Variants in EDIL3 observed in about 807,000 individuals in gnomAD.
EDIL3 encodes the protein EGF like and discoidin domains 3, also known as EGF-like repeat and discoidin I-like domain-containing protein 3.
In EDIL3, 37 loss-of-function variants were observed where a neutral mutation model predicts 67.4. That is an observed-to-expected ratio of 0.55 (90% CI 0.42 to 0.72). The LOEUF (loss-of-function observed/expected upper bound fraction) is 0.72, where lower values mean the gene tolerates loss of function less well. EDIL3 is among the 30% of genes least tolerant of loss of function. The pLI, the probability that EDIL3 is intolerant of heterozygous loss-of-function variation, is 0.00. For synonymous variants in EDIL3, 195 were observed against 196.3 expected (o/e 0.99, Z 0.05); for missense variants, 527 against 586.3 (o/e 0.90, Z 1.04).
At chr5:84,260,718 A>G (rs911177230) in intron 1 of EDIL3, among the ~76,000 whole-genome samples, 3 of 152,072 alleles carry the variant, frequency 2.0e-5, no homozygotes, top group Admixed American at 1.3e-4. Flanking sequence ...ATGCTTCTCC[A>G]TTTTCTCTGC....
At chr5:83,948,406 TAA>T (rs924727901) in intron 10 of EDIL3, among the ~76,000 whole-genome samples, 4 of 151,728 alleles carry the variant, frequency 2.6e-5, no homozygotes, top group African/African-American at 9.7e-5. Context: ...TTAAGTGATG[TAA>T]AGTCTTATGA....
At chr5:84,219,630 G>A (rs1476542478) in intron 3 of EDIL3, among the ~76,000 whole-genome samples, 1 of 152,104 alleles carries the variant, frequency 6.6e-6, no homozygotes, top group East Asian at 1.9e-4. Context: ...CAAAGGAAAG[G>A]AAATCAGTAT....
chr5:84,065,415 A>G (rs565491750), intron 7 of EDIL3, among the ~76,000 whole-genome samples: 12 of 152,090 alleles, frequency 7.9e-5, no homozygotes, highest in Non-Finnish European at 1.5e-4. Flanking sequence ...AAGTACTATA[A>G]TGTGTCATTG....
chr5:84,157,550 A>G (rs32591), intron 4 of EDIL3, among the ~76,000 whole-genome samples: 101,176 of 151,926 alleles, frequency 0.67, 34,596 homozygotes, highest in East Asian at 0.89. Context: ...TGACATTATT[A>G]TCTCATTCTG....
At position 84,121,459 on chromosome 5, in the gene EDIL3, T is replaced by C. The variant is rs533256950; in HGVS notation, c.470-14629A>G. Among the ~76,000 whole-genome samples, 5 of 152,024 alleles carry C rather than the reference T, an allele frequency of 3.3e-5. No homozygotes were observed. In the East Asian group the frequency reaches 9.7e-4, roughly 29 times the overall value. ...AGTACTACCGCCTCCTTCTTCTTAA[T>C]GGCGTCCCCTTTATTGATCCTACAC... On this transcript the variant is annotated intron_variant, in intron 5 of 10. Transcript: ENST00000296591.
At chr5:84,260,393 G>A (rs564059206) in intron 1 of EDIL3, among the ~76,000 whole-genome samples, 3 of 152,250 alleles carry the variant, frequency 2.0e-5, no homozygotes, top group East Asian at 3.9e-4. Flanking sequence ...GAACAGAAAG[G>A]AAGACAGGGG....
At chr5:84,015,753 T>C (rs1745594495) in intron 9 of EDIL3, among the ~76,000 whole-genome samples, 1 of 152,178 alleles carries the variant, frequency 6.6e-6, no homozygotes, top group African/African-American at 2.4e-5. Context: ...CTCATGGAAC[T>C]TCTCTCTGAA....
intron 1 of EDIL3, among the ~76,000 whole-genome samples, chr5:84,364,274 T>C (rs902430043): frequency 1.2e-4 from 19 of 152,184 alleles, no homozygotes; most frequent in African/African-American, 4.3e-4. Flanking sequence ...ACGGTCTCTA[T>C]TTTTGCCAAA....
At chr5:84,161,603 G>T (rs998571844) in intron 4 of EDIL3, among the ~76,000 whole-genome samples, 14 of 151,946 alleles carry the variant, frequency 9.2e-5, no homozygotes, top group Non-Finnish European at 1.5e-4. Flanking sequence ...TAATAAAAAT[G>T]CCCTAAGCTT....
At chr5:83,983,682 G>A (rs1322469686) in intron 9 of EDIL3, among the ~76,000 whole-genome samples, 2 of 151,424 alleles carry the variant, frequency 1.3e-5, no homozygotes, top group Non-Finnish European at 2.9e-5. Context: ...CAGATTCAAA[G>A]AGTAGTAATG....
intron 9 of EDIL3, among the ~76,000 whole-genome samples, chr5:83,985,060 TG>T (rs1273670679): frequency 6.6e-6 from 1 of 151,982 alleles, no homozygotes; most frequent in Admixed American, 6.6e-5. Context: ...AAACACTCCC[TG>T]GATTCCTTCT....
chr5:84,263,004 A>G (rs774884585), intron 1 of EDIL3, among the ~76,000 whole-genome samples: 3 of 152,004 alleles, frequency 2.0e-5, no homozygotes, highest in Admixed American at 6.6e-5. Context: ...ATTTCTACCT[A>G]TGAAGAATAT....
intron 6 of EDIL3, among the ~76,000 whole-genome samples, chr5:84,089,953 T>A (rs578203072): frequency 2.0e-5 from 3 of 152,346 alleles, no homozygotes; most frequent in Middle Eastern, 3.4e-3. Flanking sequence ...TTTCATTATA[T>A]TCCAGTTGCA....
chr5:84,134,751 C>A (rs759881581), intron 5 of EDIL3, among the ~76,000 whole-genome samples: 2 of 151,974 alleles, frequency 1.3e-5, no homozygotes, highest in Admixed American at 1.3e-4. Flanking sequence ...AGCAAACACC[C>A]CAATAGGAAA....
At chr5:84,008,890 G>A (rs1745471030) in intron 9 of EDIL3, among the ~76,000 whole-genome samples, 1 of 152,152 alleles carries the variant, frequency 6.6e-6, no homozygotes, top group Non-Finnish European at 1.5e-5. Context: ...TCAGCTCACT[G>A]CAACCTCCGC....
At chr5:84,001,005 A>G (rs1182631046) in intron 9 of EDIL3, among the ~76,000 whole-genome samples, 1 of 152,052 alleles carries the variant, frequency 6.6e-6, no homozygotes, top group Non-Finnish European at 1.5e-5. Flanking sequence ...GAAAGTTTAT[A>G]GCAATAAGCA....
intron 9 of EDIL3, among the ~76,000 whole-genome samples, chr5:84,051,124 G>T (rs1273450280): frequency 6.6e-6 from 1 of 152,146 alleles, no homozygotes; most frequent in African/African-American, 2.4e-5. Context: ...ACCTCCAGAG[G>T]AACGATCAGA....
chr5:84,052,394 G>T (rs1338434585), intron 9 of EDIL3, among the ~76,000 whole-genome samples: 2 of 152,056 alleles, frequency 1.3e-5, no homozygotes, highest in African/African-American at 4.8e-5. Flanking sequence ...GGAAGAAACT[G>T]CATCAACTAA....
chr5:84,317,934 C>T (rs1439820059), intron 1 of EDIL3, among the ~76,000 whole-genome samples: 2 of 152,164 alleles, frequency 1.3e-5, no homozygotes, highest in Non-Finnish European at 2.9e-5. Context: ...AGCCCAAAAT[C>T]TCCTTAAGCT....
Sources: allele counts gnomAD v4.1 joint callset (sites outside exome capture counted in the v4.1 genomes callset), GRCh38; gene constraint gnomAD v4.1.1; transcripts MANE v1.5; gene names NCBI Gene and HGNC (gene_info 2026-07-23, HGNC 2026-07-21).